The following NUMB variants were observed in gnomAD, a reference collection of about 807,000 sequenced individuals.
The protein encoded by NUMB is protein numb homolog.
Under a neutral mutation model 59.7 loss-of-function variants are expected in NUMB, and 29 were observed. The ratio of observed to expected loss-of-function variants is 0.49; its 90% CI spans 0.36 to 0.66. The LOEUF is 0.66. Among genes scored for constraint, NUMB ranks in the 30% least tolerant of loss-of-function variants. NUMB has a pLI of 0.00. For synonymous variants in NUMB, 288 were observed against 288.2 expected (o/e 1.00, Z 0.01); for missense variants, 723 against 822.0 (o/e 0.88, Z 1.47).
At chr14:73,445,165 G>T (rs1883383457) in intron 1 of NUMB, among the ~76,000 whole-genome samples, 1 of 151,390 alleles carries the variant, frequency 6.6e-6, no homozygotes, top group South Asian at 2.1e-4. Flanking sequence ...ACTAGCCTAG[G>T]CAACACAGGA....
intron 2 of NUMB, among the ~76,000 whole-genome samples, chr14:73,405,435 CTTTTTTTTT>C (rs56778084): frequency 9.4e-5 from 12 of 127,412 alleles, no homozygotes; most frequent in Non-Finnish European, 1.9e-4. Flanking sequence ...TTTTCTTTCT[CTTTTTTTTT>C]TTTTTTTTTT....
chr14:73,446,282 C>T (rs1883497343), intron 1 of NUMB, among the ~76,000 whole-genome samples: 1 of 151,888 alleles, frequency 6.6e-6, no homozygotes, highest in African/African-American at 2.4e-5. Flanking sequence ...CAGGCATTAG[C>T]CACCATCACC....
intron 4 of NUMB, among the ~76,000 whole-genome samples, chr14:73,354,050 T>C (rs1893629087): frequency 6.6e-6 from 1 of 152,130 alleles, no homozygotes; most frequent in Non-Finnish European, 1.5e-5. Flanking sequence ...GAAAAATTAG[T>C]GTATTTAAAA....
chr14:73,395,037 T>TTGTGTGTGTGTGTG (rs3028731), intron 2 of NUMB, among the ~76,000 whole-genome samples: 1,284 of 119,902 alleles, frequency 0.011, 46 homozygotes, highest in Non-Finnish European at 0.015. Context: ...ATTCGTGTGT[T>TTGTGTGTGTGTGTG]TGTGTGTGTG....
chr14:73,357,820 A>T (rs1035007392), intron 3 of NUMB, among the ~76,000 whole-genome samples: 6 of 151,690 alleles, frequency 4.0e-5, no homozygotes, highest in Non-Finnish European at 8.8e-5. Flanking sequence ...CACAAATACA[A>T]GTATAAGAAA....
intron 8 of NUMB, 59 bp downstream of exon 8, chr14:73,292,675 C>T: frequency 6.3e-7 from 1 of 1,580,684 alleles, no homozygotes. Flanking sequence ...TGAGCAAACC[C>T]AGAAAGAGCC....
intron 4 of NUMB, 38 bp downstream of exon 4, chr14:73,355,588 T>A: frequency 6.3e-7 from 1 of 1,575,826 alleles, no homozygotes. Flanking sequence ...TTGTCAGTTC[T>A]TTTCCACATA....
chr14:73,328,295 T>A, intron 4 of NUMB, among the ~76,000 whole-genome samples: 1 of 151,348 alleles, frequency 6.6e-6, no homozygotes, highest in African/African-American at 2.4e-5. Flanking sequence ...AAAAGTCATA[T>A]AAATGGAATC....
At chr14:73,355,197 AC>A (rs1260749476) in intron 4 of NUMB, among the ~76,000 whole-genome samples, 7 of 151,862 alleles carry the variant, frequency 4.6e-5, no homozygotes, top group African/African-American at 1.7e-4. Context: ...ATTAAGGAAA[AC>A]TCCCTTTGAT....
At chr14:73,282,544 G>A (rs199575954) in intron 10 of NUMB, 39 bp from the exon 11 acceptor site, 2 of 1,599,850 alleles carry the variant, frequency 1.3e-6, no homozygotes, top group Non-Finnish European at 8.5e-7. Context: ...ACAGAAAAAT[G>A]GAATAATCCT....
chr14:73,297,004 C>T (rs1889820891), intron 7 of NUMB, among the ~76,000 whole-genome samples: 1 of 152,146 alleles, frequency 6.6e-6, no homozygotes, highest in South Asian at 2.1e-4. Context: ...CCCATTTCTA[C>T]TAAAAATACA....
chr14:73,294,730 G>GATGGTCTC (rs993403990), intron 7 of NUMB, among the ~76,000 whole-genome samples: 1 of 147,478 alleles, frequency 6.8e-6, no homozygotes, highest in African/African-American at 2.5e-5. Flanking sequence ...TGTTGGCCAG[G>GATGGTCTC]ATGGTCTCAA....
At position 73,390,638 on chromosome 14, in the gene NUMB, C is replaced by CTTTTTTTTTTTTTTTTTTTTTTTT; in HGVS notation, c.-101+19275_-101+19298dup. Among the ~76,000 whole-genome samples the CTTTTTTTTTTTTTTTTTTTTTTTT allele has an allele frequency of 5.1e-5, 2 of 39,384 alleles. 1 individual carries two copies. Among genetic ancestry groups the CTTTTTTTTTTTTTTTTTTTTTTTT allele is most frequent in the Non-Finnish European group, 9.4e-5 (2 of 21,180 alleles). 25.8% of individuals were successfully genotyped at this position (39,384 alleles called of 152,430 possible). ...ATTTCCTTGAGGACAAAAACAAAGT[C>CTTTTTTTTTTTTTTTTTTTTTTTT]TTTTTTTTTTTTTTTTTTTTTTTTT... is the stretch of plus-strand genomic sequence containing the variant. On this transcript the variant is annotated intron_variant, in intron 2 of 12. Coordinates refer to ENST00000555238, the MANE Select transcript of NUMB (RefSeq NM_001005743.2).
At chr14:73,419,466 G>A (rs1435224014) in intron 1 of NUMB, among the ~76,000 whole-genome samples, 4 of 152,092 alleles carry the variant, frequency 2.6e-5, no homozygotes, top group African/African-American at 4.8e-5. Context: ...CTGAGATTGC[G>A]CCACTGCACT....
chr14:73,421,056 A>G (rs1235309937), intron 1 of NUMB, among the ~76,000 whole-genome samples: 4 of 152,244 alleles, frequency 2.6e-5, no homozygotes, highest in Non-Finnish European at 4.4e-5. Flanking sequence ...TGAGAAATGC[A>G]CAACAGTGCA....
At chr14:73,306,622 A>G (rs1004834253) in intron 6 of NUMB, among the ~76,000 whole-genome samples, 2 of 152,148 alleles carry the variant, frequency 1.3e-5, no homozygotes, top group African/African-American at 4.8e-5. Flanking sequence ...TTCTCTTCTA[A>G]GTTAGTTTAA....
chr14:73,350,074 T>TACAC (rs1172254479), intron 4 of NUMB, among the ~76,000 whole-genome samples: 16,861 of 130,520 alleles, frequency 0.13, 1,337 homozygotes, highest in Non-Finnish European at 0.18. Context: ...CATACATACA[T>TACAC]ACATACACAC....
At chr14:73,454,486 T>C (rs1234928326) in intron 1 of NUMB, among the ~76,000 whole-genome samples, 6 of 152,206 alleles carry the variant, frequency 3.9e-5, no homozygotes, top group African/African-American at 7.2e-5. Flanking sequence ...GAATTTATTG[T>C]ACAGCGAGTT....
intron 1 of NUMB, among the ~76,000 whole-genome samples, chr14:73,441,639 G>A (rs1883077525): frequency 1.3e-5 from 2 of 152,110 alleles, no homozygotes; most frequent in African/African-American, 2.4e-5. Context: ...CACTTTGGGA[G>A]GCGAGGAGAA....
Sources: allele counts gnomAD v4.1 joint callset (sites outside exome capture counted in the v4.1 genomes callset), GRCh38; gene constraint gnomAD v4.1.1; transcripts MANE v1.5; gene names NCBI Gene and HGNC (gene_info 2026-07-23, HGNC 2026-07-21).